ZSWIM6: variants seen among roughly 807,000 people sequenced by gnomAD.
ZSWIM6 encodes the protein zinc finger SWIM-type containing 6, also known as zinc finger SWIM domain-containing protein 6.
ZSWIM6 carries 9 observed loss-of-function variants against 113.2 expected under a neutral mutation model. The ratio of observed to expected loss-of-function variants is 0.08; its 90% CI spans 0.05 to 0.14. The LOEUF (loss-of-function observed/expected upper bound fraction) is 0.14. Ranked by LOEUF, ZSWIM6 falls within the 10% of genes least tolerant of loss-of-function variation. The pLI, the probability that ZSWIM6 is intolerant of heterozygous loss-of-function variation, is 1.00. For synonymous variants in ZSWIM6, 611 were observed against 606.5 expected, an observed-to-expected ratio of 1.01 and a Z score of -0.11; for missense variants, 1,162 against 1,552.2, an observed-to-expected ratio of 0.75 and a Z score of 4.22.
chr5:61,385,378 G>A (rs1317179602), intron 1 of ZSWIM6, among the ~76,000 whole-genome samples: 1 of 152,142 alleles, frequency 6.6e-6, no homozygotes, highest in Non-Finnish European at 1.5e-5. Flanking sequence ...CTTTATAGAT[G>A]ACCATAGTTG....
chr5:61,538,195 G>T (rs1749632483), intron 10 of ZSWIM6, among the ~76,000 whole-genome samples: 1 of 152,192 alleles, frequency 6.6e-6, no homozygotes, highest in South Asian at 2.1e-4. Context: ...AGACACTTAG[G>T]TCACATTTAT....
At chr5:61,511,243 G>A (rs1748779067) in intron 4 of ZSWIM6, among the ~76,000 whole-genome samples, 1 of 152,076 alleles carries the variant, frequency 6.6e-6, no homozygotes, top group Non-Finnish European at 1.5e-5. Flanking sequence ...TAAAGGCTTG[G>A]TTTTTAAAAA....
intron 1 of ZSWIM6, among the ~76,000 whole-genome samples, chr5:61,406,022 A>G (rs1267081750): frequency 1.3e-5 from 2 of 152,238 alleles, no homozygotes; most frequent in African/African-American, 4.8e-5. Flanking sequence ...TTCAGTAGAC[A>G]GCCTGAGCTG....
intron 1 of ZSWIM6, among the ~76,000 whole-genome samples, chr5:61,380,136 C>G (rs574279299): frequency 6.6e-6 from 1 of 151,988 alleles, no homozygotes; most frequent in South Asian, 2.1e-4. Context: ...AGTGCAGTGG[C>G]GTGATCACAG....
Position 61,544,104 on chromosome 5 carries a change from G to T in ZSWIM6, c.3435G>T (p.Thr1145=), listed in dbSNP as rs757904829. 1 of 1,551,850 alleles carries T rather than the reference G, an allele frequency of 6.4e-7. No homozygotes were observed. Among genetic ancestry groups the T allele is most frequent in the South Asian group, 1.2e-5 (1 of 84,062 alleles). ...CCTTGAGGCAACTCTTGGATGCCAC[G>T]ATCGGGGCCTACATCAACACAACGC... ...KAPLRQLLDA[T]IGAYINTTHS... is the part of the protein sequence containing the mutation. Residue 1145 remains threonine, a synonymous_variant, in exon 14 of 14, where the codon ACG becomes ACT. Transcript: ENST00000252744.
At chr5:61,429,223 C>G (rs911066786) in intron 1 of ZSWIM6, among the ~76,000 whole-genome samples, 2 of 152,166 alleles carry the variant, frequency 1.3e-5, no homozygotes, top group Non-Finnish European at 2.9e-5. Flanking sequence ...GGGTTTGTTA[C>G]AGAGAGAATG....
intron 1 of ZSWIM6, among the ~76,000 whole-genome samples, chr5:61,360,185 T>C (rs932467891): frequency 6.6e-6 from 1 of 152,224 alleles, no homozygotes; most frequent in Non-Finnish European, 1.5e-5. Context: ...TGATGGAGCC[T>C]ACAGTTATCT....
At chr5:61,453,614 A>G (rs1249629493) in intron 1 of ZSWIM6, among the ~76,000 whole-genome samples, 2 of 151,918 alleles carry the variant, frequency 1.3e-5, no homozygotes, top group African/African-American at 4.8e-5. Flanking sequence ...GGGCTCAAGC[A>G]GTCCACTTGC....
rs141043652 is a variant in ZSWIM6 at position 61,538,553 on chromosome 5, A to G, written c.2382-261A>G. 1.9e-3 allele frequency among the ~76,000 whole-genome samples: 284 copies of G among 152,366 alleles called. 1 individual carries two copies. Among genetic ancestry groups the G allele is most frequent in the Non-Finnish European group, 3.1e-3 (208 of 68,032 alleles). ...TGTAATTTTCTGAATGGTGCTAAAG[A>G]AAGAAAATCTCTTAGGTTTGGGTGA... On this transcript the variant is annotated intron_variant, in intron 10 of 13. Coordinates refer to ENST00000252744, the MANE Select transcript of ZSWIM6 (RefSeq NM_020928.2).
intron 1 of ZSWIM6, among the ~76,000 whole-genome samples, chr5:61,373,743 C>G (rs1343798029): frequency 6.6e-6 from 1 of 152,080 alleles, no homozygotes; most frequent in East Asian, 1.9e-4. Flanking sequence ...CTACAAGGCC[C>G]TTCATCATCT....
rs1195241888 is a variant in ZSWIM6 at position 61,543,424 on chromosome 5, C to T, written c.2786-31C>T. 1 of 1,526,620 alleles carries T rather than the reference C, an allele frequency of 6.6e-7. No homozygotes were observed. Among genetic ancestry groups the T allele is most frequent in the East Asian group, 2.5e-5 (1 of 40,516 alleles). The allele number at this position is 1,526,620 out of a possible 1,614,324, so 94.6% of individuals were successfully genotyped here. A position where few individuals can be genotyped will look rare whatever the true frequency, so the allele number is the denominator to read the frequency against. On this transcript the variant is annotated intron_variant, in intron 13 of 13. Coordinates refer to ENST00000252744, the MANE Select transcript of ZSWIM6 (RefSeq NM_020928.2). The surrounding 1 kb of genome is among the most constrained non-coding windows in gnomAD (Gnocchi z 4.3). ...CAGGACCTCTGGGCAGCCTCCTCGT[C>T]AGTAATAGAGCCTGTTTGTGTTCCT...
chr5:61,541,345 A>G (rs772397020), intron 12 of ZSWIM6, among the ~76,000 whole-genome samples: 3 of 152,204 alleles, frequency 2.0e-5, no homozygotes, highest in Non-Finnish European at 4.4e-5. Context: ...AAATCAGATC[A>G]CTAATGATAT....
rs1248378765 is a variant in ZSWIM6, at chr5:61,458,263, C to T, written c.677-14418C>T. Among the ~76,000 whole-genome samples, 10 of 152,130 alleles carry T rather than the reference C, an allele frequency of 6.6e-5. No homozygotes were observed. In the East Asian group the frequency reaches 7.7e-4, roughly 12 times the overall value. ...TATTATAAACCAAAGAAAAAAATAA[C>T]GAGGCAAAAGTCTAGGTTTTCACCA... On this transcript the variant is annotated intron_variant, in intron 1 of 13. Coordinates refer to ENST00000252744, the MANE Select transcript of ZSWIM6 (RefSeq NM_020928.2).
At chr5:61,346,483 T>C (rs191748530) in intron 1 of ZSWIM6, among the ~76,000 whole-genome samples, 3 of 152,342 alleles carry the variant, frequency 2.0e-5, no homozygotes, top group Admixed American at 2.0e-4. Flanking sequence ...TAGATATGTG[T>C]ATATGTATAA....
chr5:61,403,507 A>C lies in ZSWIM6; in HGVS notation c.677-69174A>C, dbSNP rs913516249. On this transcript the variant is annotated intron_variant, in intron 1 of 13. Coordinates refer to ENST00000252744, the MANE Select transcript of ZSWIM6 (RefSeq NM_020928.2). ...AGCAACTTCAGCCTTTCACAGACTA[A>C]CAACTAAGACCACTATGAGCCCTAT... 2.0e-5 allele frequency among the ~76,000 whole-genome samples: 3 copies of C among 152,254 alleles called. No homozygotes were observed. The South Asian group carries it at 6.2e-4, about 32-fold the overall frequency.
chr5:61,452,614 A>G (rs1580003483), intron 1 of ZSWIM6, among the ~76,000 whole-genome samples: 1 of 152,204 alleles, frequency 6.6e-6, no homozygotes, highest in Admixed American at 6.5e-5. Flanking sequence ...TCAGATTTAT[A>G]GAAAAGTTGC....
rs146258212 is a variant in ZSWIM6, at chr5:61,527,710, A to T, written c.1837+1314A>T. 5.8e-4 allele frequency among the ~76,000 whole-genome samples: 88 copies of T among 152,352 alleles called. 1 individual carries two copies. The highest frequency in any genetic ancestry group is 2.0e-3 in the African/African-American group (83 of 41,584). The stretch of plus-strand genomic sequence containing the variant: ...GAATAGTATAAAGGATAATATTCAA[A>T]CAAAGAGTGCAGGACTTGTTATACT... On this transcript the variant is annotated intron_variant, in intron 7 of 13. Coordinates refer to ENST00000252744, the MANE Select transcript of ZSWIM6 (RefSeq NM_020928.2).
At chr5:61,411,352 A>G (rs1746145119) in intron 1 of ZSWIM6, among the ~76,000 whole-genome samples, 1 of 152,206 alleles carries the variant, frequency 6.6e-6, no homozygotes, top group Admixed American at 6.5e-5. Context: ...AAGGATGGGA[A>G]TACAGTAAAA....
chr5:61,509,559 G>A (rs992398551), intron 4 of ZSWIM6, among the ~76,000 whole-genome samples: 3 of 152,146 alleles, frequency 2.0e-5, no homozygotes, highest in Non-Finnish European at 2.9e-5. Context: ...GCTAGGTGAT[G>A]CACACACCAG....
Sources: gnomAD v4.1 joint callset for allele counts (sites outside exome capture counted in the v4.1 genomes callset) on GRCh38, gnomAD v4.1.1 for gene constraint, Gnocchi (gnomAD v3.1) non-coding constraint, MANE v1.5 for transcripts, NCBI Gene and HGNC (gene_info 2026-07-23, HGNC 2026-07-21) for gene names.